EIF2B1: variants seen among roughly 807,000 people sequenced by gnomAD.
EIF2B1 encodes translation initiation factor eIF2B subunit alpha.
EIF2B1 carries 30 observed loss-of-function variants against 36.8 expected under a neutral mutation model. The observed-to-expected ratio is 0.81, with a 90% confidence interval of 0.61 to 1.10. EIF2B1 has a LOEUF of 1.10. EIF2B1 is among the 50% of genes least tolerant of loss of function. EIF2B1 has a pLI of 0.00. For missense variants in EIF2B1, 271 were observed against 374.8 expected, an observed-to-expected ratio of 0.72 and a Z score of 2.29; for synonymous variants, 139 against 142.2, an observed-to-expected ratio of 0.98 and a Z score of 0.16.
Position 123,633,647 on chromosome 12 carries a change from T to C in EIF2B1, c.-90A>G. ...CGGCCGCGCCGCCTGCGAGCCAGTCTGACAGCGCGCTGCACACCTCCGCAC... is the reference window on the plus strand; with the variant it reads ...CGGCCGCGCCGCCTGCGAGCCAGTCCGACAGCGCGCTGCACACCTCCGCAC... On this transcript the variant is annotated 5_prime_UTR_variant, in exon 1 of 9. Transcript: ENST00000424014. 1 of 1,582,550 alleles carries C rather than the reference T, an allele frequency of 6.3e-7. No homozygotes were observed. Among genetic ancestry groups the C allele is most frequent in the Non-Finnish European group, 8.6e-7 (1 of 1,164,730 alleles).
rs770206661 is a variant in EIF2B1, at chr12:123,633,521, C to G, written c.13+24G>C. ...CCTGAACGGCGCTGCTGTAGCCTAG[C>G]AGCCCTGGCCTGTCTTGATTTACCC... is the stretch of plus-strand genomic sequence containing the variant. On this transcript the variant is annotated intron_variant, in intron 1 of 8. Coordinates refer to ENST00000424014, the MANE Select transcript of EIF2B1 (RefSeq NM_001414.4). 9.9e-6 allele frequency: 16 copies of G among 1,613,816 alleles called. No individual in the cohort carries two copies. The South Asian group carries it at 1.8e-4, about 18-fold the overall frequency.
chr12:123,626,347 A>T (rs1955148107), intron 6 of EIF2B1, 78 bp downstream of exon 6: 9 of 1,585,124 alleles, frequency 5.7e-6, no homozygotes, highest in Non-Finnish European at 7.8e-6. Flanking sequence ...ACGGGACTCA[A>T]ACTTTCAATC....
intron 7 of EIF2B1, among the ~76,000 whole-genome samples, chr12:123,624,079 TATAC>T (rs1393558062): frequency 2.0e-5 from 3 of 148,862 alleles, no homozygotes; most frequent in Non-Finnish European, 3.0e-5. Flanking sequence ...ACACGTATTT[TATAC>T]ATACATACTT....
intron 8 of EIF2B1, among the ~76,000 whole-genome samples, 173 bp from the exon 9 acceptor site, chr12:123,622,093 C>G (rs1955106073): frequency 6.6e-6 from 1 of 152,182 alleles, no homozygotes; most frequent in African/African-American, 2.4e-5. Flanking sequence ...TGAGCCAGAT[C>G]ATGGCAGTGT....
rs1033102236 is a variant in EIF2B1, at chr12:123,627,079, A to T, written c.447T>A (p.Ser149Arg). Reference sequence around the variant, plus strand: ...CAGGCTGTGACTCTGTGACGTATACACTAAATCGCTTCTTGGCCGCCACGG... The same window carrying T: ...CAGGCTGTGACTCTGTGACGTATACTCTAAATCGCTTCTTGGCCGCCACGG... ...EAAVAAKKRF[S>R]VYVTESQPDL... Residue 149 changes from serine to arginine, a missense_variant, in exon 5 of 9, where the codon AGT (serine) becomes AGA (arginine). By Grantham distance (110) the Ser-to-Arg change is moderately radical (BLOSUM62 -1). Transcript: ENST00000424014. 1.2e-6 allele frequency: 2 copies of T among 1,614,046 alleles called. No homozygotes were observed. Among genetic ancestry groups the T allele is most frequent in the African/African-American group, 2.7e-5 (2 of 74,900 alleles).
In EIF2B1 at chr12:123,624,870, G is replaced by GA. The variant is rs770695594; in HGVS notation, c.552-9dup. On this transcript the variant is annotated splice_polypyrimidine_tract_variant and intron_variant, in intron 6 of 8. Coordinates refer to ENST00000424014, the MANE Select transcript of EIF2B1 (RefSeq NM_001414.4). ...GCTTTCTCCATGATGTAGCTAAGGG[G>GA]AAAAAAAGCTTTTCATGCTTTATTT... 7.4e-6 allele frequency: 12 copies of GA among 1,613,342 alleles called. No homozygotes were observed. Among genetic ancestry groups the GA allele is most frequent in the South Asian group, 5.5e-5 (5 of 91,042 alleles).
rs1320286874 is a variant in EIF2B1 at position 123,626,315 on chromosome 12, G to A, written c.551+110C>T. The A allele has an allele frequency of 1.5e-5, 19 of 1,305,270 alleles. 1 individual carries two copies. In the Admixed American group the frequency reaches 2.0e-4, roughly 14 times the overall value. The allele number at this position is 1,305,270 out of a possible 1,614,324, so 80.9% of individuals were successfully genotyped here. On this transcript the variant is annotated intron_variant, in intron 6 of 8. Coordinates refer to ENST00000424014, the MANE Select transcript of EIF2B1 (RefSeq NM_001414.4). ...GCAGCTATTAATTAAGAAGTAGGAC[G>A]CTACCTGGTGTGGCTTTATGAACGG...
chr12:123,626,894 C>A lies in EIF2B1; in HGVS notation c.482+150G>T. The A allele has an allele frequency of 5.2e-6, 4 of 767,296 alleles. No individual in the cohort carries two copies. In the South Asian group the frequency reaches 5.7e-5, roughly 11 times the overall value. The allele number at this position is 767,296 out of a possible 1,614,324, so 47.5% of individuals were successfully genotyped here. ...GCCTGCTGCAAATTCAGTGATTTTT[C>A]TTCCAAAGGCAGGAAAAGGTACAAT... On this transcript the variant is annotated intron_variant, in intron 5 of 8. Coordinates refer to ENST00000424014, the MANE Select transcript of EIF2B1 (RefSeq NM_001414.4).
rs766021641 is a variant in EIF2B1, at chr12:123,626,460, G to A, written c.516C>T (p.Asn172=). The A allele has an allele frequency of 3.1e-6, 5 of 1,614,046 alleles. No individual in the cohort carries two copies. In the African/African-American group the frequency reaches 4.0e-5, roughly 13 times the overall value. The change falls in exon 6 of 9, where the codon AAC becomes AAT. Residue 172 remains asparagine, a synonymous_variant. Coordinates refer to ENST00000424014, the MANE Select transcript of EIF2B1 (RefSeq NM_001414.4). ...CATCTAGCACCACAGTGACAGGGAC[G>A]TTGAGGTGGCAGAGGGCTTTGGCCA... ...KKMAKALCHL[N]VPVTVVLDAA... is the part of the protein sequence containing the mutation.
chr12:123,628,109 G>A (rs1351308886), intron 4 of EIF2B1, among the ~76,000 whole-genome samples: 1 of 152,144 alleles, frequency 6.6e-6, no homozygotes, highest in Admixed American at 6.5e-5. Flanking sequence ...AGGCTGGAGT[G>A]CAGTGCAGTG....
chr12:123,622,804 C>G (rs1287567786), intron 7 of EIF2B1, 43 bp from the exon 8 acceptor site: 1 of 1,611,254 alleles, frequency 6.2e-7, no homozygotes, highest in East Asian at 2.2e-5. Context: ...TAGAGTGCAT[C>G]TGAAGTAGAA....
At chr12:123,626,821 T>C (rs770332720) in intron 5 of EIF2B1, 2 of 696,388 alleles carry the variant, frequency 2.9e-6, no homozygotes, top group Non-Finnish European at 5.2e-6. Context: ...ATCTCTGCTC[T>C]TCCACGGAGT....
At chr12:123,626,658 C>A in intron 5 of EIF2B1, 165 bp from the exon 6 acceptor site, 1 of 803,280 alleles carries the variant, frequency 1.2e-6, no homozygotes, top group Non-Finnish European at 2.1e-6. Context: ...AATTTGAGTT[C>A]TTTAGAAAGA....
Position 123,626,420 on chromosome 12 carries a change from C to T in EIF2B1, c.551+5G>A. The stretch of plus-strand genomic sequence containing the variant: ...TGATTATGGCTGGGGAAGATGGGCA[C>T]TCACCCGACAGCAGCATCTAGCACC... On this transcript the variant is annotated splice_donor_5th_base_variant and intron_variant, in intron 6 of 8. Transcript: ENST00000424014. The T allele has an allele frequency of 6.2e-7, 1 of 1,614,056 alleles. No individual in the cohort carries two copies. Among genetic ancestry groups the T allele is most frequent in the South Asian group, 1.1e-5 (1 of 91,086 alleles).
At chr12:123,628,713 G>C (rs1405927594) in intron 4 of EIF2B1, among the ~76,000 whole-genome samples, 1 of 152,048 alleles carries the variant, frequency 6.6e-6, no homozygotes, top group Admixed American at 6.6e-5. Context: ...ATAAGACAAG[G>C]GGGCAGAACC....
At chr12:123,627,222 G>T in intron 4 of EIF2B1, 66 bp from the exon 5 acceptor site, 2 of 1,255,916 alleles carry the variant, frequency 1.6e-6, no homozygotes, top group Non-Finnish European at 2.3e-6. Context: ...CCTCTGCACT[G>T]CGGCACGTGT....
intron 2 of EIF2B1, among the ~76,000 whole-genome samples, chr12:123,631,305 G>A (rs2135766994): frequency 6.6e-6 from 1 of 152,362 alleles, no homozygotes; most frequent in Non-Finnish European, 1.5e-5. Flanking sequence ...GGCAGAAGCT[G>A]AGCTTGGAGC....
rs1310936300 is a variant in EIF2B1, at chr12:123,633,626, C to A, written c.-69G>T. 1 of 1,596,472 alleles carries A rather than the reference C, an allele frequency of 6.3e-7. No homozygotes were observed. The highest frequency in any genetic ancestry group is 1.7e-5 in the Admixed American group (1 of 59,816). ...CGCTGTCTCGAACGGGTCCGCCGGCCGCGCCGCCTGCGAGCCAGTCTGACA... is the reference window on the plus strand; with the variant it reads ...CGCTGTCTCGAACGGGTCCGCCGGCAGCGCCGCCTGCGAGCCAGTCTGACA... On this transcript the variant is annotated 5_prime_UTR_variant, in exon 1 of 9. Transcript: ENST00000424014.
intron 4 of EIF2B1, 29 bp from the exon 5 acceptor site, chr12:123,627,185 G>A: frequency 6.4e-7 from 1 of 1,565,664 alleles, no homozygotes; most frequent in Non-Finnish European, 8.8e-7. Flanking sequence ...TTGTCAAAGG[G>A]GCAGGCTCCT....
Sources: allele counts gnomAD v4.1 joint callset (sites outside exome capture counted in the v4.1 genomes callset), GRCh38; gene constraint gnomAD v4.1.1; transcripts MANE v1.5; gene names NCBI Gene and HGNC (gene_info 2026-07-23, HGNC 2026-07-21).